The following DPM1 variants were observed in gnomAD, a reference collection of about 807,000 sequenced individuals.
The protein encoded by DPM1 is dolichol-phosphate mannosyltransferase subunit 1.
A neutral mutation model predicts 39.0 loss-of-function variants in DPM1; 27 were observed. The ratio of observed to expected loss-of-function variants is 0.69; its 90% CI spans 0.51 to 0.95. DPM1 has a LOEUF of 0.95. Among genes scored for constraint, DPM1 ranks in the 40% least tolerant of loss-of-function variants. The pLI is 0.00. For missense variants in DPM1, 307 were observed against 315.6 expected (o/e 0.97, Z 0.21); for synonymous variants, 124 against 109.0 (o/e 1.14, Z -0.86).
rs146712158 is a variant in DPM1 at position 50,955,793 on chromosome 20, G to C, written c.162-508C>G. ...TTAGCCAGCCTGGTCTCAATCTCCT[G>C]ACCTCGTGATCTGCCCGCCTCAGCC... On this transcript the variant is annotated intron_variant, in intron 1 of 8. Coordinates refer to ENST00000371588, the MANE Select transcript of DPM1 (RefSeq NM_003859.3). 3.1e-4 allele frequency among the ~76,000 whole-genome samples: 47 copies of C among 152,252 alleles called. No individual in the cohort carries two copies. The East Asian group carries it at 8.3e-3, about 27-fold the overall frequency.
intron 5 of DPM1, 141 bp downstream of exon 5, chr20:50,945,596 G>T: frequency 1.2e-6 from 1 of 854,672 alleles, no homozygotes; most frequent in Non-Finnish European, 1.8e-6. Flanking sequence ...CTCCTACCCT[G>T]ACTTCCCAAA....
chr20:50,940,697 C>G (rs912394974), intron 7 of DPM1, among the ~76,000 whole-genome samples, 168 bp downstream of exon 7: 2 of 152,180 alleles, frequency 1.3e-5, no homozygotes, highest in Admixed American at 6.5e-5. Flanking sequence ...CACAATATGT[C>G]TCCTTGAGAT....
At chr20:50,946,976 A>C (rs983257281) in intron 3 of DPM1, among the ~76,000 whole-genome samples, 2 of 152,222 alleles carry the variant, frequency 1.3e-5, no homozygotes, top group African/African-American at 4.8e-5. Context: ...TGGGAGGCCG[A>C]GGCAGGCGGA....
At chr20:50,952,246 C>T (rs988342941) in intron 2 of DPM1, among the ~76,000 whole-genome samples, 2 of 152,176 alleles carry the variant, frequency 1.3e-5, no homozygotes, top group Non-Finnish European at 2.9e-5. Context: ...TTATAAAATA[C>T]TTTTATGGGA....
chr20:50,955,240 A>G lies in DPM1; in HGVS notation c.207T>C (p.Asp69=), dbSNP rs1347309810. 1 of 1,613,202 alleles carries G rather than the reference A, an allele frequency of 6.2e-7. No individual in the cohort carries two copies. Among genetic ancestry groups the G allele is most frequent in the Non-Finnish European group, 8.5e-7 (1 of 1,179,828 alleles). The part of the protein sequence containing the change: ...EIIIIDDGSP[D]GTRDVAEQLE... ...ACTGTTCAGCAACATCCCTTGTTCCATCTGGGCTTCCATCATCTATGATTA... is the reference window on the plus strand; with the variant it reads ...ACTGTTCAGCAACATCCCTTGTTCCGTCTGGGCTTCCATCATCTATGATTA... The change falls in exon 2 of 9, where the codon GAT becomes GAC. Residue 69 remains aspartate, a synonymous_variant. Transcript: ENST00000371588.
At chr20:50,957,749 T>C (rs1986906049) in intron 1 of DPM1, among the ~76,000 whole-genome samples, 1 of 152,234 alleles carries the variant, frequency 6.6e-6, no homozygotes, top group South Asian at 2.1e-4. Context: ...AGTTACTTCG[T>C]ACTGACTCCA....
At chr20:50,936,532 T>G (rs536118484) in intron 7 of DPM1, among the ~76,000 whole-genome samples, 37 of 152,358 alleles carry the variant, frequency 2.4e-4, no homozygotes, top group African/African-American at 7.7e-4. Flanking sequence ...TATCAGAAAT[T>G]AGTGAAATAC....
chr20:50,941,151 T>C, intron 6 of DPM1: 1 of 582,024 alleles, frequency 1.7e-6, no homozygotes, highest in Non-Finnish European at 3.0e-6. Flanking sequence ...GAGGCCAAGA[T>C]GGCTGGATCA....
At chr20:50,945,819 A>C in intron 4 of DPM1, 28 bp downstream of exon 4, 1 of 1,611,674 alleles carries the variant, frequency 6.2e-7, no homozygotes, top group Non-Finnish European at 8.5e-7. Flanking sequence ...ACTACCATAA[A>C]TAGCTAATAA....
chr20:50,957,402 T>A (rs950457180), intron 1 of DPM1, among the ~76,000 whole-genome samples: 1 of 152,238 alleles, frequency 6.6e-6, no homozygotes, highest in African/African-American at 2.4e-5. Context: ...GAAGAATTTA[T>A]CCCTAGTACA....
chr20:50,945,370 T>C (rs1029604759), intron 5 of DPM1, among the ~76,000 whole-genome samples: 11 of 152,052 alleles, frequency 7.2e-5, no homozygotes, highest in Non-Finnish European at 1.0e-4. Context: ...TCTCACTCTG[T>C]CTCAGGGTCA....
At chr20:50,952,068 G>A (rs2426213) in intron 2 of DPM1, among the ~76,000 whole-genome samples, 25,066 of 152,014 alleles carry the variant, frequency 0.16, 2,788 homozygotes, top group Non-Finnish European at 0.24. Context: ...CAATGCCTGG[G>A]TTTGAATCCT....
intron 5 of DPM1, among the ~76,000 whole-genome samples, chr20:50,943,740 A>ATT (rs141377879): frequency 7.1e-5 from 9 of 125,880 alleles, no homozygotes; most frequent in African/African-American, 2.0e-4. Flanking sequence ...AAGCCTGAGT[A>ATT]TTTTTTTTTT....
chr20:50,940,836 T>C (rs916607629), intron 7 of DPM1, 29 bp downstream of exon 7: 10 of 1,528,356 alleles, frequency 6.5e-6, no homozygotes, highest in Non-Finnish European at 8.2e-6. Flanking sequence ...CAAGAAGTTA[T>C]ATAAAAGTAG....
intron 5 of DPM1, chr20:50,944,214 T>C (rs1986115944): frequency 1.3e-5 from 2 of 152,252 alleles, no homozygotes; most frequent in South Asian, 4.1e-4. Flanking sequence ...GTTAAACTAA[T>C]GGATAATAAA....
intron 2 of DPM1, among the ~76,000 whole-genome samples, chr20:50,949,619 C>G (rs562360239): frequency 5.9e-5 from 9 of 152,292 alleles, no homozygotes; most frequent in Non-Finnish European, 8.8e-5. Flanking sequence ...TCACTGTGCC[C>G]TACGTTTCTG....
chr20:50,947,023 A>G (rs1246027689), intron 3 of DPM1, among the ~76,000 whole-genome samples: 1 of 152,216 alleles, frequency 6.6e-6, no homozygotes, highest in African/African-American at 2.4e-5. Flanking sequence ...AGCCTGACCA[A>G]CATGGAGAAA....
At chr20:50,935,405 T>C (rs1985064575) in intron 8 of DPM1, among the ~76,000 whole-genome samples, 169 bp from the exon 9 acceptor site, 1 of 152,178 alleles carries the variant, frequency 6.6e-6, no homozygotes, top group Non-Finnish European at 1.5e-5. Flanking sequence ...TCTCCAAGTC[T>C]TTAAAATTAA....
rs185952127 is a variant in DPM1 at position 50,943,803 on chromosome 20, G to A, written c.399-1677C>T. ...CGCCCAGGCTGGAGTGCAGTGGCGC[G>A]ATCTTGGCTCACTGCAAGCTCCGCC... On this transcript the variant is annotated intron_variant, in intron 5 of 8. Transcript: ENST00000371588. 2.5e-3 allele frequency among the ~76,000 whole-genome samples: 363 copies of A among 145,180 alleles called. 2 individuals are homozygous for A. Among genetic ancestry groups the A allele is most frequent in the African/African-American group, 8.2e-3 (315 of 38,650 alleles).
Sources: gnomAD v4.1 joint callset for allele counts (sites outside exome capture counted in the v4.1 genomes callset) on GRCh38, gnomAD v4.1.1 for gene constraint, MANE v1.5 for transcripts, NCBI Gene and HGNC (gene_info 2026-07-23, HGNC 2026-07-21) for gene names.